ITGA9: variants seen among roughly 807,000 people sequenced by gnomAD.
ITGA9 encodes the protein integrin subunit alpha 9.
In ITGA9, 56 loss-of-function variants were observed where a neutral mutation model predicts 127.8. That is an observed-to-expected ratio of 0.44 (90% confidence interval 0.35 to 0.55). The LOEUF is 0.55. Ranked by LOEUF, ITGA9 falls within the 20% of genes least tolerant of loss-of-function variation. ITGA9 has a pLI of 0.00. For synonymous variants in ITGA9, 508 were observed against 514.5 expected, an observed-to-expected ratio of 0.99 and a Z score of 0.17; for missense variants, 1,196 against 1,347.1, an observed-to-expected ratio of 0.89 and a Z score of 1.76.
intron 26 of ITGA9, among the ~76,000 whole-genome samples, chr3:37,801,646 T>A (rs901053814): frequency 6.6e-5 from 10 of 151,838 alleles, no homozygotes; most frequent in African/African-American, 2.4e-4. Flanking sequence ...AAAAATAAAA[T>A]AAAAACTAAA....
chr3:37,732,864 C>G, intron 19 of ITGA9, 66 bp downstream of exon 19: 1 of 1,252,690 alleles, frequency 8.0e-7, no homozygotes, highest in South Asian at 1.3e-5. Flanking sequence ...GCCACTGATT[C>G]CGCCGCCTCC....
chr3:37,608,337 A>G (rs142431742), intron 15 of ITGA9, among the ~76,000 whole-genome samples: 153 of 152,386 alleles, frequency 1.0e-3, no homozygotes, highest in African/African-American at 3.4e-3. Flanking sequence ...TATTTCAGGA[A>G]CATAAAATTC....
intron 18 of ITGA9, among the ~76,000 whole-genome samples, chr3:37,693,494 C>A (rs953731002): frequency 6.6e-6 from 1 of 152,058 alleles, no homozygotes; most frequent in African/African-American, 2.4e-5. Flanking sequence ...CTACCTTTAC[C>A]ACAGAAAGGG....
intron 25 of ITGA9, 106 bp downstream of exon 25, chr3:37,780,127 T>C: frequency 7.3e-7 from 1 of 1,371,358 alleles, no homozygotes; most frequent in Non-Finnish European, 1.0e-6. Flanking sequence ...TGAATTGGTG[T>C]CCTCATGACA....
intron 27 of ITGA9, among the ~76,000 whole-genome samples, chr3:37,809,492 C>G (rs1697340953): frequency 6.6e-6 from 1 of 152,124 alleles, no homozygotes; most frequent in Non-Finnish European, 1.5e-5. Context: ...GATAAAATCA[C>G]AGTTGAACTC....
chr3:37,503,766 C>T (rs1477201071), intron 6 of ITGA9, among the ~76,000 whole-genome samples: 1 of 152,128 alleles, frequency 6.6e-6, no homozygotes, highest in African/African-American at 2.4e-5. Context: ...TAATTAAAGG[C>T]TCAGAAAAAT....
intron 26 of ITGA9, among the ~76,000 whole-genome samples, chr3:37,800,282 G>A (rs1487802935): frequency 2.6e-5 from 4 of 152,210 alleles, no homozygotes; most frequent in Admixed American, 2.6e-4. Flanking sequence ...GCTGAGCTCA[G>A]TGTCTCAGTC....
intron 11 of ITGA9, among the ~76,000 whole-genome samples, chr3:37,519,577 C>T (rs1252579355): frequency 6.6e-6 from 1 of 152,166 alleles, no homozygotes; most frequent in African/African-American, 2.4e-5. Context: ...TGCATTTTGC[C>T]TAAAGAAGAT....
intron 14 of ITGA9, among the ~76,000 whole-genome samples, chr3:37,537,669 A>AG (rs1699223414): frequency 6.6e-6 from 1 of 152,108 alleles, no homozygotes; most frequent in Admixed American, 6.5e-5. Flanking sequence ...TTCTAGTGGG[A>AG]GGGGGGCAGG....
At chr3:37,774,510 T>C (rs964473805) in intron 23 of ITGA9, among the ~76,000 whole-genome samples, 1 of 148,252 alleles carries the variant, frequency 6.7e-6, no homozygotes, top group African/African-American at 2.5e-5. Context: ...GCCTGGGTAA[T>C]GTGGCAAAAC....
At chr3:37,661,159 G>A (rs1481205272) in intron 17 of ITGA9, among the ~76,000 whole-genome samples, 1 of 152,206 alleles carries the variant, frequency 6.6e-6, no homozygotes, top group African/African-American at 2.4e-5. Flanking sequence ...TATATAAACA[G>A]CAAGGTAGCC....
intron 15 of ITGA9, among the ~76,000 whole-genome samples, chr3:37,576,708 G>A (rs1699657419): frequency 6.6e-6 from 1 of 152,202 alleles, no homozygotes; most frequent in South Asian, 2.1e-4. Context: ...CCAGGCTCAA[G>A]CCATCCTCCC....
At chr3:37,613,824 T>G (rs1458223306) in intron 15 of ITGA9, among the ~76,000 whole-genome samples, 1 of 152,250 alleles carries the variant, frequency 6.6e-6, no homozygotes, top group Non-Finnish European at 1.5e-5. Flanking sequence ...TGTTTTCTTC[T>G]TGTAAATTTG....
intron 1 of ITGA9, among the ~76,000 whole-genome samples, chr3:37,468,517 C>G (rs951769518): frequency 6.6e-6 from 1 of 152,154 alleles, no homozygotes; most frequent in African/African-American, 2.4e-5. Context: ...CTTTGAGGGC[C>G]TCAGACTTCT....
In ITGA9 at chr3:37,520,443, G is replaced by A. The variant is rs371077799; in HGVS notation, c.1236+1089G>A. 7.9e-5 allele frequency among the ~76,000 whole-genome samples: 12 copies of A among 152,296 alleles called. No individual in the cohort carries two copies. In the South Asian group the frequency reaches 1.4e-3, roughly 18 times the overall value. ...CAAGGAGGTTATTTAACTTGCCCAAGGTCATAAGTGGCAGTATGGCCACAG... is the reference window on the plus strand; with the variant it reads ...CAAGGAGGTTATTTAACTTGCCCAAAGTCATAAGTGGCAGTATGGCCACAG... On this transcript the variant is annotated intron_variant, in intron 11 of 27. Coordinates refer to ENST00000264741, the MANE Select transcript of ITGA9 (RefSeq NM_002207.3).
At chr3:37,650,237 G>A (rs1315998783) in intron 16 of ITGA9, among the ~76,000 whole-genome samples, 1 of 152,104 alleles carries the variant, frequency 6.6e-6, no homozygotes, top group Non-Finnish European at 1.5e-5. Context: ...CACTTCCACT[G>A]TAGCCAAAAG....
intron 26 of ITGA9, among the ~76,000 whole-genome samples, chr3:37,789,488 G>A (rs1396003125): frequency 2.0e-5 from 3 of 152,074 alleles, no homozygotes; most frequent in East Asian, 3.9e-4. Flanking sequence ...AGCCAGGCGC[G>A]GTGGCTCACA....
At chr3:37,684,819 G>A (rs1700766800) in intron 18 of ITGA9, among the ~76,000 whole-genome samples, 1 of 152,186 alleles carries the variant, frequency 6.6e-6, no homozygotes, top group Non-Finnish European at 1.5e-5. Flanking sequence ...TCCACAAATT[G>A]AGTGAGTTTT....
intron 16 of ITGA9, among the ~76,000 whole-genome samples, chr3:37,643,716 C>G (rs1477807937): frequency 6.6e-6 from 1 of 152,166 alleles, no homozygotes; most frequent in Non-Finnish European, 1.5e-5. Context: ...GTTAGCCTCT[C>G]TTTTCTTATC....
Sources: gnomAD v4.1 joint callset for allele counts (sites outside exome capture counted in the v4.1 genomes callset) on GRCh38, gnomAD v4.1.1 for gene constraint, MANE v1.5 for transcripts, NCBI Gene and HGNC (gene_info 2026-07-23, HGNC 2026-07-21) for gene names.